Variants in COL14A1 observed in about 807,000 individuals in gnomAD.
COL14A1 encodes collagen alpha-1(XIV) chain.
A neutral mutation model predicts 230.3 loss-of-function variants in COL14A1; 136 were observed. That is an observed-to-expected ratio of 0.59 (90% CI 0.51 to 0.68). The LOEUF is 0.68. Among genes scored for constraint, COL14A1 ranks in the 30% least tolerant of loss-of-function variants. The probability of loss-of-function intolerance (pLI) is 0.00; values close to 1 mark genes in which losing one functional copy is unlikely to be tolerated. For synonymous variants in COL14A1, 792 were observed against 784.1 expected (o/e 1.01, Z -0.17); for missense variants, 1,976 against 2,215.8 (o/e 0.89, Z 2.17).
chr8:120,298,638 T>TATAC lies in COL14A1; in HGVS notation c.4314+1051_4314+1052insTACA, dbSNP rs398009611. Among the ~76,000 whole-genome samples the TATAC allele has an allele frequency of 2.1e-3, 246 of 118,856 alleles. 4 individuals carry two copies. Among genetic ancestry groups the TATAC allele is most frequent in the African/African-American group, 4.0e-3 (125 of 30,962 alleles). 78.0% of individuals were successfully genotyped at this position (118,856 alleles called of 152,430 possible). A position where few individuals can be genotyped will look rare whatever the true frequency, so the allele number is the denominator to read the frequency against. On this transcript the variant is annotated intron_variant, in intron 35 of 47. Transcript: ENST00000297848. Reference sequence around the variant, plus strand: ...ATATATATATATATATATATATATATACAAAAATACAGATTTATATCTTAG... The same window carrying TATAC: ...ATATATATATATATATATATATATATATACACAAAAATACAGATTTATATCTTAG...
At chr8:120,154,025 A>G (rs1310726886) in intron 2 of COL14A1, among the ~76,000 whole-genome samples, 1 of 152,164 alleles carries the variant, frequency 6.6e-6, no homozygotes, top group Non-Finnish European at 1.5e-5. Context: ...CGTTGGAAGA[A>G]AACCAGGATG....
chr8:120,166,660 C>G (rs1002066836), intron 4 of COL14A1, among the ~76,000 whole-genome samples: 4 of 151,962 alleles, frequency 2.6e-5, no homozygotes, highest in Admixed American at 2.0e-4. Context: ...GTTGAAGATA[C>G]AGATTTGGAA....
At chr8:120,177,652 C>CAAAAA (rs60652647) in intron 5 of COL14A1, among the ~76,000 whole-genome samples, 3 of 82,786 alleles carry the variant, frequency 3.6e-5, no homozygotes, top group African/African-American at 9.3e-5. Context: ...TTGCCTGCTT[C>CAAAAA]AAAAAAAAAA....
At chr8:120,173,777 T>C (rs2326481) in intron 5 of COL14A1, among the ~76,000 whole-genome samples, 51,400 of 151,776 alleles carry the variant, frequency 0.34, 9,531 homozygotes, top group Admixed American at 0.48. Context: ...TTATAACTCC[T>C]CTTTCAAGAG....
At chr8:120,135,969 T>C (rs909991454) in intron 1 of COL14A1, among the ~76,000 whole-genome samples, 1 of 152,212 alleles carries the variant, frequency 6.6e-6, no homozygotes. Context: ...CTGTCAGTCT[T>C]TCTAAATTAT....
chr8:120,203,652 T>C, intron 8 of COL14A1, 57 bp from the exon 9 acceptor site: 1 of 1,576,152 alleles, frequency 6.3e-7, no homozygotes, highest in South Asian at 1.2e-5. Context: ...CCCACCGCAG[T>C]CACTCTTTCC....
intron 1 of COL14A1, among the ~76,000 whole-genome samples, chr8:120,140,538 A>C (rs1171659367): frequency 1.3e-5 from 2 of 152,210 alleles, no homozygotes; most frequent in Admixed American, 6.5e-5. Context: ...CCAAATAACT[A>C]ACAAGAATTT....
intron 45 of COL14A1, among the ~76,000 whole-genome samples, chr8:120,364,795 A>G (rs2130380739): frequency 6.6e-6 from 1 of 152,146 alleles, no homozygotes; most frequent in East Asian, 1.9e-4. Context: ...AGGCAGGAGA[A>G]TCGCCTGAAC....
chr8:120,285,948 T>C lies in COL14A1; in HGVS notation c.4055T>C (p.Ile1352Thr). 1 of 1,593,284 alleles carries C rather than the reference T, an allele frequency of 6.3e-7. No homozygotes were observed. The highest frequency in any genetic ancestry group is 8.6e-7 in the Non-Finnish European group (1 of 1,161,390). Residue 1352 changes from isoleucine (I) to threonine (T), a missense_variant, in exon 33 of 48, where the codon ATT becomes ACT. Transcript: ENST00000297848. Reference protein sequence around the residue: ...VTFEGPEIRKIFYGSFHKLHI... With the variant: ...VTFEGPEIRKTFYGSFHKLHI... ...TTCGAAGGACCTGAAATTAGGAAAA[T>C]TTTTTATGGAAGCTTTCACAAGGTT...
chr8:120,236,077 A>G (rs1218310092), intron 19 of COL14A1, among the ~76,000 whole-genome samples: 1 of 152,228 alleles, frequency 6.6e-6, no homozygotes, highest in African/African-American at 2.4e-5. Flanking sequence ...GGTGCTAAGA[A>G]GAATGTATAT....
intron 33 of COL14A1, among the ~76,000 whole-genome samples, chr8:120,288,526 A>T (rs1234795182): frequency 9.2e-5 from 14 of 152,200 alleles, no homozygotes; most frequent in Non-Finnish European, 1.8e-4. Flanking sequence ...ATGTGAATAC[A>T]CTGCTAGCTA....
intron 40 of COL14A1, among the ~76,000 whole-genome samples, chr8:120,322,829 T>G (rs1473006749): frequency 6.6e-6 from 1 of 152,212 alleles, no homozygotes; most frequent in Non-Finnish European, 1.5e-5. Flanking sequence ...TCCATGTCTT[T>G]GCTATTGTGA....
chr8:120,161,708 G>C (rs1161928041), intron 3 of COL14A1, among the ~76,000 whole-genome samples: 1 of 152,090 alleles, frequency 6.6e-6, no homozygotes, highest in Non-Finnish European at 1.5e-5. Flanking sequence ...TGTCACCCAG[G>C]CTGGAGTGCA....
chr8:120,321,369 G>T (rs568987447), intron 40 of COL14A1, among the ~76,000 whole-genome samples: 2 of 152,074 alleles, frequency 1.3e-5, no homozygotes, highest in African/African-American at 2.4e-5. Context: ...GGCCAGGCAC[G>T]GTGGCTCACG....
chr8:120,360,557 C>T (rs879008302), intron 45 of COL14A1, among the ~76,000 whole-genome samples: 1 of 152,218 alleles, frequency 6.6e-6, no homozygotes, highest in Non-Finnish European at 1.5e-5. Context: ...TCTGTCACTT[C>T]TTTAGCAGAT....
chr8:120,286,302 C>G (rs1820200978), intron 33 of COL14A1, among the ~76,000 whole-genome samples: 1 of 152,058 alleles, frequency 6.6e-6, no homozygotes, highest in South Asian at 2.1e-4. Flanking sequence ...GATTGCTGGT[C>G]TAGCTGGTAC....
chr8:120,192,778 C>G (rs1041427739), intron 5 of COL14A1, among the ~76,000 whole-genome samples: 1 of 152,074 alleles, frequency 6.6e-6, no homozygotes, highest in African/African-American at 2.4e-5. Context: ...CTTCCCTTCT[C>G]GCTTCATTTC....
chr8:120,188,367 C>T (rs1230205915), intron 5 of COL14A1, among the ~76,000 whole-genome samples: 1 of 152,118 alleles, frequency 6.6e-6, no homozygotes, highest in Non-Finnish European at 1.5e-5. Flanking sequence ...CAGGCATGAG[C>T]CACCACACCC....
At chr8:120,272,886 C>G (rs1819715644) in intron 26 of COL14A1, among the ~76,000 whole-genome samples, 1 of 151,646 alleles carries the variant, frequency 6.6e-6, no homozygotes, top group Non-Finnish European at 1.5e-5. Flanking sequence ...GACAGATAAT[C>G]AAGACAGAGA....
Sources: gnomAD v4.1 joint callset for allele counts (sites outside exome capture counted in the v4.1 genomes callset) on GRCh38, gnomAD v4.1.1 for gene constraint, MANE v1.5 for transcripts, NCBI Gene and HGNC (gene_info 2026-07-23, HGNC 2026-07-21) for gene names.